The following CACNA1D variants were observed in gnomAD, a reference collection of about 807,000 sequenced individuals.
The protein encoded by CACNA1D is voltage-dependent L-type calcium channel subunit alpha-1D.
In CACNA1D, 55 loss-of-function variants were observed where a neutral mutation model predicts 257.1. The ratio of observed to expected loss-of-function variants is 0.21; its 90% CI spans 0.17 to 0.27. CACNA1D has a LOEUF of 0.27. CACNA1D is among the 10% of genes least tolerant of loss of function. The pLI, the probability that CACNA1D is intolerant of heterozygous loss-of-function variation, is 1.00. For synonymous variants in CACNA1D, 980 were observed against 1,014.9 expected (o/e 0.97, Z 0.65); for missense variants, 1,876 against 2,784.0 (o/e 0.67, Z 7.34).
intron 29 of CACNA1D, among the ~76,000 whole-genome samples, chr3:53,755,284 C>G (rs1434130496): frequency 6.6e-6 from 1 of 152,166 alleles, no homozygotes; most frequent in Non-Finnish European, 1.5e-5. Flanking sequence ...AAAGCTTGCT[C>G]TAGGCTGAAG....
At chr3:53,577,109 A>T (rs2532861) in intron 3 of CACNA1D, among the ~76,000 whole-genome samples, 1 of 152,160 alleles carries the variant, frequency 6.6e-6, no homozygotes, top group East Asian at 1.9e-4. Flanking sequence ...AGAGACTGAG[A>T]TTATCGCTGG....
intron 15 of CACNA1D, 52 bp from the exon 16 acceptor site, chr3:53,730,390 C>G: frequency 8.2e-7 from 1 of 1,222,242 alleles, no homozygotes; most frequent in Non-Finnish European, 1.2e-6. Context: ...CATTGTTGGC[C>G]GCACGTAGTT....
Position 53,793,236 on chromosome 3 carries a change from A to G in CACNA1D, c.4923+6284A>G, listed in dbSNP as rs1279835106. Among the ~76,000 whole-genome samples the G allele has an allele frequency of 6.6e-6, 1 of 152,210 alleles. No individual in the cohort carries two copies. The highest frequency in any genetic ancestry group is 1.5e-5 in the Non-Finnish European group (1 of 68,028). ...AGCCTCCAGGACCCTGCTGTGATCC[A>G]AAGGCCCACTTCTGCTCTGATTGGG... On this transcript the variant is annotated intron_variant, in intron 40 of 47. Coordinates refer to ENST00000350061, the MANE Select transcript of CACNA1D (RefSeq NM_001128840.3). The surrounding 1 kb of genome is among the most constrained non-coding windows in gnomAD (Gnocchi z 4.1).
chr3:53,559,554 C>T (rs1575866978), intron 3 of CACNA1D, among the ~76,000 whole-genome samples: 1 of 152,296 alleles, frequency 6.6e-6, no homozygotes, highest in Admixed American at 6.5e-5. Flanking sequence ...AAAGCCTTTA[C>T]AGTGTCATTT....
intron 37 of CACNA1D, 134 bp from the exon 38 acceptor site, chr3:53,779,892 C>G (rs1216869478): frequency 2.7e-6 from 2 of 736,436 alleles, no homozygotes; most frequent in Non-Finnish European, 2.5e-6. Context: ...ATGCGTACCC[C>G]CAAATGGCTG....
intron 3 of CACNA1D, among the ~76,000 whole-genome samples, chr3:53,539,298 C>T (rs1287231813): frequency 2.6e-5 from 4 of 151,964 alleles, no homozygotes; most frequent in African/African-American, 9.7e-5. Context: ...TTAGTAGAGA[C>T]AGGTTTTCAC....
intron 3 of CACNA1D, chr3:53,530,470 G>C (rs911597808): frequency 6.6e-6 from 1 of 152,232 alleles, no homozygotes; most frequent in Non-Finnish European, 1.5e-5. Context: ...ACCTCTGGGG[G>C]AGTTATTGTC....
chr3:53,804,506 A>T (rs2095552192), intron 44 of CACNA1D, among the ~76,000 whole-genome samples: 1 of 152,068 alleles, frequency 6.6e-6, no homozygotes, highest in South Asian at 2.1e-4. Flanking sequence ...CCCCCAGAAA[A>T]GAAAACCTCA....
chr3:53,648,925 GT>G (rs1196460376), intron 3 of CACNA1D, among the ~76,000 whole-genome samples: 1 of 152,122 alleles, frequency 6.6e-6, no homozygotes, highest in Admixed American at 6.5e-5. Flanking sequence ...GAGGGCAAGT[GT>G]TTAGAAATGA....
rs2095398300 is a variant in CACNA1D at position 53,776,523 on chromosome 3, A to G, written c.4363-80A>G. 1.2e-5 allele frequency: 18 copies of G among 1,545,836 alleles called. No individual in the cohort carries two copies. The Admixed American group carries it at 3.0e-4, about 26-fold the overall frequency. The stretch of plus-strand genomic sequence containing the variant: ...ACATGGGTTCCCATGTTTCATGTCC[A>G]TGTCATTAGAAAGCCTGTGCTCAGT... On this transcript the variant is annotated intron_variant, in intron 35 of 47. Coordinates refer to ENST00000350061, the MANE Select transcript of CACNA1D (RefSeq NM_001128840.3).
intron 8 of CACNA1D, among the ~76,000 whole-genome samples, chr3:53,696,080 C>T (rs2094570541): frequency 6.6e-6 from 1 of 152,208 alleles, no homozygotes; most frequent in Non-Finnish European, 1.5e-5. Context: ...CCTCCTGCCT[C>T]AGCCTCCTGA....
chr3:53,684,621 CAAAA>C lies in CACNA1D; in HGVS notation c.1220+11515_1220+11518del, dbSNP rs60026644. Among the ~76,000 whole-genome samples, 593 of 84,494 alleles carry C rather than the reference CAAAA, an allele frequency of 7.0e-3. 2 individuals are homozygous for C. Among genetic ancestry groups the C allele is most frequent in the African/African-American group, 0.029 (554 of 18,922 alleles). 55.4% of individuals were successfully genotyped at this position (84,494 alleles called of 152,430 possible). On this transcript the variant is annotated intron_variant, in intron 8 of 47. Coordinates refer to ENST00000350061, the MANE Select transcript of CACNA1D (RefSeq NM_001128840.3). Reference sequence around the variant, plus strand: ...CTGGGCAACAAGAGTGAAACTCTGTCAAAAAAAAAAAAAAAAAAAAAAAGCATCA... The same window carrying C: ...CTGGGCAACAAGAGTGAAACTCTGTCAAAAAAAAAAAAAAAAAAAGCATCA...
At position 53,740,556 on chromosome 3, in the gene CACNA1D, A is replaced by AT. The variant is rs569612615; in HGVS notation, c.2811+223dup. The AT allele has an allele frequency of 1.1e-3, 491 of 429,362 alleles. 3 individuals carry two copies. Among genetic ancestry groups the AT allele is most frequent in the South Asian group, 2.9e-3 (91 of 31,156 alleles). 26.6% of individuals were successfully genotyped at this position (429,362 alleles called of 1,614,324 possible). ...AGGAAAGAAGCGTGGAGTGCTTTTG[A>AT]TTTTTTATGGGTTTTTTTTTTGTCT... On this transcript the variant is annotated intron_variant, in intron 21 of 47. Coordinates refer to ENST00000350061, the MANE Select transcript of CACNA1D (RefSeq NM_001128840.3).
intron 20 of CACNA1D, among the ~76,000 whole-genome samples, chr3:53,737,934 C>T (rs747834252): frequency 1.3e-5 from 2 of 152,224 alleles, no homozygotes; most frequent in African/African-American, 2.4e-5. Context: ...GAAACTTGCA[C>T]CTAAATTGGC....
chr3:53,503,243 A>C (rs1379012633), intron 3 of CACNA1D, among the ~76,000 whole-genome samples: 1 of 152,222 alleles, frequency 6.6e-6, no homozygotes, highest in Non-Finnish European at 1.5e-5. Context: ...ATAACCACAT[A>C]AACACTGGTA....
chr3:53,666,209 C>T (rs757102459), intron 6 of CACNA1D, 130 bp from the exon 7 acceptor site: 7 of 845,012 alleles, frequency 8.3e-6, no homozygotes, highest in Non-Finnish European at 1.5e-5. Context: ...GAAGGACAAG[C>T]AGGATCCTGA....
At chr3:53,590,145 G>C (rs1231958986) in intron 3 of CACNA1D, among the ~76,000 whole-genome samples, 1 of 152,222 alleles carries the variant, frequency 6.6e-6, no homozygotes, top group Non-Finnish European at 1.5e-5. Context: ...TGGCCATCCA[G>C]CCTCAGCTCA....
At chr3:53,543,048 G>A (rs1349703055) in intron 3 of CACNA1D, among the ~76,000 whole-genome samples, 2 of 143,064 alleles carry the variant, frequency 1.4e-5, no homozygotes, top group Non-Finnish European at 3.0e-5. Context: ...GCGAAACTCC[G>A]ACTACATGTA....
chr3:53,694,371 T>A (rs2094554955), intron 8 of CACNA1D, among the ~76,000 whole-genome samples: 1 of 152,144 alleles, frequency 6.6e-6, no homozygotes, highest in African/African-American at 2.4e-5. Flanking sequence ...CTGTCCTGAG[T>A]TGGGGCTCTT....
Sources: allele counts gnomAD v4.1 joint callset (sites outside exome capture counted in the v4.1 genomes callset), GRCh38; gene constraint gnomAD v4.1.1; non-coding constraint Gnocchi (gnomAD v3.1); transcripts MANE v1.5; gene names NCBI Gene and HGNC (gene_info 2026-07-23, HGNC 2026-07-21).